The following GLRA3 variants were observed in gnomAD, a reference collection of about 807,000 sequenced individuals.
GLRA3 encodes the protein glycine receptor subunit alpha-3.
A neutral mutation model predicts 60.4 loss-of-function variants in GLRA3; 44 were observed. The ratio of observed to expected loss-of-function variants is 0.73; its 90% CI spans 0.57 to 0.94. GLRA3 has a LOEUF of 0.94. GLRA3 is among the 40% of genes least tolerant of loss of function. The pLI is 0.00. For missense variants in GLRA3, 508 were observed against 564.6 expected (o/e 0.90, Z 1.02); for synonymous variants, 223 against 192.9 (o/e 1.16, Z -1.29).
At chr4:174,816,532 G>C (rs1740505977) in intron 1 of GLRA3, among the ~76,000 whole-genome samples, 1 of 151,554 alleles carries the variant, frequency 6.6e-6, no homozygotes, top group African/African-American at 2.4e-5. Flanking sequence ...TTCTATTTTT[G>C]TCCTGGCACT....
intron 3 of GLRA3, among the ~76,000 whole-genome samples, chr4:174,759,054 G>C (rs1013481416): frequency 6.6e-6 from 1 of 152,074 alleles, no homozygotes; most frequent in Non-Finnish European, 1.5e-5. Context: ...GCAAACTCAA[G>C]CAAACACCAT....
chr4:174,725,804 T>C (rs1436603420), intron 4 of GLRA3, among the ~76,000 whole-genome samples: 2 of 152,198 alleles, frequency 1.3e-5, no homozygotes, highest in Admixed American at 1.3e-4. Context: ...ATTTGGATGT[T>C]GCTATCAGTT....
At chr4:174,679,268 C>T (rs544597679) in intron 6 of GLRA3, among the ~76,000 whole-genome samples, 57 of 152,054 alleles carry the variant, frequency 3.7e-4, no homozygotes, top group African/African-American at 1.3e-3. Flanking sequence ...TTGCAGTAAG[C>T]GGAGATCTTG....
intron 7 of GLRA3, among the ~76,000 whole-genome samples, chr4:174,666,901 C>G (rs1733700175): frequency 6.6e-6 from 1 of 151,524 alleles, no homozygotes; most frequent in Admixed American, 6.6e-5. Flanking sequence ...CGTATCTACC[C>G]CTCCAGTGAC....
At chr4:174,826,874 C>CTTTTTT in intron 1 of GLRA3, among the ~76,000 whole-genome samples, 1 of 130,368 alleles carries the variant, frequency 7.7e-6, no homozygotes, top group Non-Finnish European at 1.7e-5. Context: ...AGGGAGCTTC[C>CTTTTTT]TTTTTTTTTT....
chr4:174,783,054 C>G (rs2111285589), intron 2 of GLRA3, among the ~76,000 whole-genome samples: 1 of 152,312 alleles, frequency 6.6e-6, no homozygotes, highest in South Asian at 2.1e-4. Context: ...CATCACACGA[C>G]CTGACTTCCA....
At chr4:174,731,187 G>T (rs1051341157) in intron 3 of GLRA3, among the ~76,000 whole-genome samples, 9 of 152,260 alleles carry the variant, frequency 5.9e-5, no homozygotes, top group African/African-American at 2.2e-4. Context: ...TGAACATTGA[G>T]ATGGAAAGCT....
At chr4:174,676,920 T>C (rs1364828445) in intron 7 of GLRA3, among the ~76,000 whole-genome samples, 158 bp downstream of exon 7, 27 of 152,234 alleles carry the variant, frequency 1.8e-4, no homozygotes, top group Admixed American at 1.8e-3. Flanking sequence ...CATTTATTTC[T>C]GTTTTACATG....
At chr4:174,674,348 A>G (rs781546093) in intron 7 of GLRA3, among the ~76,000 whole-genome samples, 7 of 152,168 alleles carry the variant, frequency 4.6e-5, no homozygotes, top group East Asian at 3.8e-4. Flanking sequence ...GAATGCATAT[A>G]TCACCTTCTT....
intron 7 of GLRA3, among the ~76,000 whole-genome samples, chr4:174,667,607 G>C (rs1022032366): frequency 6.6e-6 from 1 of 152,110 alleles, no homozygotes; most frequent in Non-Finnish European, 1.5e-5. Flanking sequence ...GTAGTGCTTT[G>C]AAGCACTAAC....
intron 1 of GLRA3, among the ~76,000 whole-genome samples, chr4:174,813,446 A>C (rs1163319035): frequency 6.6e-6 from 1 of 152,134 alleles, no homozygotes; most frequent in African/African-American, 2.4e-5. Flanking sequence ...GCTGGACTGA[A>C]TCCTCTATGA....
intron 2 of GLRA3, among the ~76,000 whole-genome samples, chr4:174,774,553 A>T (rs116018091): frequency 0.087 from 13,264 of 152,188 alleles, 912 homozygotes; most frequent in East Asian, 0.38. Flanking sequence ...CATTCCTGTA[A>T]TATCCCTGCT....
At chr4:174,815,036 T>C (rs1740426053) in intron 1 of GLRA3, among the ~76,000 whole-genome samples, 1 of 152,098 alleles carries the variant, frequency 6.6e-6, no homozygotes. Context: ...AAAAGCAAGC[T>C]AGTTACTTCC....
rs564911461 is a variant in GLRA3, at chr4:174,642,017, G to C, written c.*1769C>G. On this transcript the variant is annotated 3_prime_UTR_variant, in exon 10 of 10. Transcript: ENST00000274093. Reference sequence around the variant, plus strand: ...ACAGTCCTCAACGTGGGTACTTACAGAGTAACAAATTCTTTTGGTTGTGTC... The same window carrying C: ...ACAGTCCTCAACGTGGGTACTTACACAGTAACAAATTCTTTTGGTTGTGTC... The C allele has an allele frequency of 1.5e-5, 5 of 328,464 alleles. No individual in the cohort carries two copies. Among genetic ancestry groups the C allele is most frequent in the East Asian group, 1.7e-4 (1 of 5,934 alleles). The allele number at this position is 328,464 out of a possible 1,614,324, so 20.3% of individuals were successfully genotyped here. A position where few individuals can be genotyped will look rare whatever the true frequency, so the allele number is the denominator to read the frequency against.
At chr4:174,753,505 C>T (rs549825516) in intron 3 of GLRA3, among the ~76,000 whole-genome samples, 59 of 152,214 alleles carry the variant, frequency 3.9e-4, no homozygotes, top group Admixed American at 1.6e-3. Context: ...CCCATTTTAT[C>T]TTTAGAGGCT....
intron 2 of GLRA3, among the ~76,000 whole-genome samples, chr4:174,788,036 A>G (rs1739186919): frequency 6.6e-6 from 1 of 152,016 alleles, no homozygotes; most frequent in African/African-American, 2.4e-5. Flanking sequence ...GAAACAGCTT[A>G]ACTGAATCCC....
chr4:174,818,299 T>C (rs934586434), intron 1 of GLRA3, among the ~76,000 whole-genome samples: 1 of 152,212 alleles, frequency 6.6e-6, no homozygotes, highest in African/African-American at 2.4e-5. Context: ...GAAATTTAAT[T>C]CTGATTTTTC....
chr4:174,653,042 C>T (rs1305722906), intron 9 of GLRA3, among the ~76,000 whole-genome samples: 1 of 151,988 alleles, frequency 6.6e-6, no homozygotes, highest in African/African-American at 2.4e-5. Flanking sequence ...TGGGGCAATG[C>T]TTATACAATT....
chr4:174,728,249 GT>G (rs1420670146), intron 4 of GLRA3, among the ~76,000 whole-genome samples: 1 of 152,128 alleles, frequency 6.6e-6, no homozygotes, highest in Non-Finnish European at 1.5e-5. Flanking sequence ...AGGGACATTT[GT>G]TTAAAAAGTG....
Sources: gnomAD v4.1 joint callset for allele counts (sites outside exome capture counted in the v4.1 genomes callset) on GRCh38, gnomAD v4.1.1 for gene constraint, MANE v1.5 for transcripts, NCBI Gene and HGNC (gene_info 2026-07-23, HGNC 2026-07-21) for gene names.